Variants in TMEM209 observed in about 807,000 individuals in gnomAD.
The protein encoded by TMEM209 is testicular tissue protein Li 202.
In TMEM209, 65 loss-of-function variants were observed where a neutral mutation model predicts 76.2. The ratio of observed to expected loss-of-function variants is 0.85; its 90% confidence interval spans 0.70 to 1.05. The LOEUF (loss-of-function observed/expected upper bound fraction) is 1.05. Among genes scored for constraint, TMEM209 ranks in the 50% least tolerant of loss-of-function variants. The pLI, the probability that TMEM209 is intolerant of heterozygous loss-of-function variation, is 0.00. For synonymous variants in TMEM209, 239 were observed against 237.6 expected, an observed-to-expected ratio of 1.01 and a Z score of -0.06; for missense variants, 623 against 685.5, an observed-to-expected ratio of 0.91 and a Z score of 1.02.
Position 130,166,117 on chromosome 7 carries a change from TG to T in TMEM209, c.*333del, listed in dbSNP as rs1488547973. 5.6e-6 allele frequency: 1 copy of T among 179,388 alleles called. No individual in the cohort carries two copies. Among genetic ancestry groups the T allele is most frequent in the African/African-American group, 2.4e-5 (1 of 42,550 alleles). The allele number at this position is 179,388 out of a possible 1,614,324, so 11.1% of individuals were successfully genotyped here. A position where few individuals can be genotyped will look rare whatever the true frequency, so the allele number is the denominator to read the frequency against. On this transcript the variant is annotated 3_prime_UTR_variant, in exon 15 of 15. Coordinates refer to ENST00000397622, the MANE Select transcript of TMEM209 (RefSeq NM_032842.4). ...AAGAATCAGGTAGATGATTCTCATT[TG>T]GGGGTTACAATGAAAAAAAGACTCA...
intron 13 of TMEM209, among the ~76,000 whole-genome samples, chr7:130,171,214 T>C (rs1047329812): frequency 6.6e-6 from 1 of 152,314 alleles, no homozygotes; most frequent in East Asian, 1.9e-4. Context: ...AAAAAGCTTT[T>C]AGTCATACTT....
rs1798223875 is a variant in TMEM209 at position 130,202,019 on chromosome 7, T to C, written c.404A>G (p.Gln135Arg). 1 of 1,613,690 alleles carries C rather than the reference T, an allele frequency of 6.2e-7. No homozygotes were observed. Among genetic ancestry groups the C allele is most frequent in the Non-Finnish European group, 8.5e-7 (1 of 1,179,850 alleles). The part of the protein sequence containing the change: ...IPPAPPSPSI[Q>R]GQSVLSYSPS... ...GCTATAACTCAACACACTCTGACCC[T>C]GAATTGAAGGGGAAGGTGGAGCGGG... is the stretch of plus-strand genomic sequence containing the variant. Residue 135 changes from glutamine (Q) to arginine (R), a missense_variant, in exon 5 of 15, where the codon CAG (glutamine) becomes CGG (arginine). Physicochemically the swap from Gln to Arg is conservative, Grantham distance 43. Transcript: ENST00000397622.
Position 130,170,258 on chromosome 7 carries a change from G to A in TMEM209, c.1631+142C>T, listed in dbSNP as rs1433752592. 7.5e-6 allele frequency: 5 copies of A among 663,140 alleles called. No homozygotes were observed. In the Admixed American group the frequency reaches 1.5e-4, roughly 21 times the overall value. 41.1% of individuals were successfully genotyped at this position (663,140 alleles called of 1,614,324 possible). A position where few individuals can be genotyped will look rare whatever the true frequency, so the allele number is the denominator to read the frequency against. The stretch of plus-strand genomic sequence containing the variant: ...CTAATGGATTGCCCAAAATAGCAGA[G>A]GTAGTCTGTGACAGGGCTGAAGCCA... On this transcript the variant is annotated intron_variant, in intron 14 of 14. Transcript: ENST00000397622.
At chr7:130,174,026 C>A (rs988137016) in intron 11 of TMEM209, 87 bp from the exon 12 acceptor site, 7 of 885,086 alleles carry the variant, frequency 7.9e-6, no homozygotes, top group Admixed American at 2.4e-5. Context: ...GTATTTATAA[C>A]GATTCCAATT....
chr7:130,178,336 C>T (rs985925814), intron 10 of TMEM209, 66 bp downstream of exon 10: 7 of 1,446,444 alleles, frequency 4.8e-6, no homozygotes, highest in Non-Finnish European at 6.5e-6. Context: ...CCTTGTTAAT[C>T]TTCACTGATA....
At chr7:130,177,275 C>T (rs1332616983) in intron 10 of TMEM209, among the ~76,000 whole-genome samples, 6 of 150,160 alleles carry the variant, frequency 4.0e-5, no homozygotes, top group Non-Finnish European at 8.9e-5. Context: ...CGCTTGAACC[C>T]GGGAGGTGGA....
In TMEM209 at chr7:130,205,378, C is replaced by G; in HGVS notation, c.-3G>C. 1 of 1,613,928 alleles carries G rather than the reference C, an allele frequency of 6.2e-7. No homozygotes were observed. Among genetic ancestry groups the G allele is most frequent in the Non-Finnish European group, 8.5e-7 (1 of 1,179,902 alleles). On this transcript the variant is annotated 5_prime_UTR_variant, in exon 1 of 15. Transcript: ENST00000397622. ...ACACGACCCCGAAAACGCACCATGT[C>G]CTCTGGCCGGAAAACGCAGGCTCGC...
At chr7:130,190,894 G>C (rs1229224947) in intron 6 of TMEM209, among the ~76,000 whole-genome samples, 1 of 151,910 alleles carries the variant, frequency 6.6e-6, no homozygotes, top group Non-Finnish European at 1.5e-5. Context: ...CTACTCAGGA[G>C]GCTGAGGTGG....
intron 13 of TMEM209, 118 bp from the exon 14 acceptor site, chr7:130,170,591 C>T (rs1280413774): frequency 2.5e-6 from 2 of 791,958 alleles, no homozygotes; most frequent in South Asian, 1.8e-5. Flanking sequence ...ATAATTCAGA[C>T]TTTCATTTAT....
rs1796879364 is a variant in TMEM209, at chr7:130,166,246, T to C, written c.*205A>G. On this transcript the variant is annotated 3_prime_UTR_variant, in exon 15 of 15. Transcript: ENST00000397622. ...AAATTTCTGAAAAGCGATATAAAATTAAAGGCAATGTCTCGATATAGAAGA... is the reference window on the plus strand; with the variant it reads ...AAATTTCTGAAAAGCGATATAAAATCAAAGGCAATGTCTCGATATAGAAGA... The C allele has an allele frequency of 1.3e-5, 5 of 378,948 alleles. No homozygotes were observed. Among genetic ancestry groups the C allele is most frequent in the African/African-American group, 1.0e-4 (5 of 48,010 alleles). 23.5% of individuals were successfully genotyped at this position (378,948 alleles called of 1,614,324 possible). A position where few individuals can be genotyped will look rare whatever the true frequency, so the allele number is the denominator to read the frequency against.
chr7:130,204,619 C>T (rs1419675309), intron 1 of TMEM209, among the ~76,000 whole-genome samples: 1 of 152,180 alleles, frequency 6.6e-6, no homozygotes, highest in Non-Finnish European at 1.5e-5. Flanking sequence ...GGATTACAGG[C>T]GTGAGCCACC....
chr7:130,202,018 C>T lies in TMEM209; in HGVS notation c.405G>A (p.Gln135=). The change falls in exon 5 of 15, where the codon CAG becomes CAA. Residue 135 remains glutamine (Q), a synonymous_variant. Coordinates refer to ENST00000397622, the MANE Select transcript of TMEM209 (RefSeq NM_032842.4). Reference sequence around the variant, plus strand: ...GGCTATAACTCAACACACTCTGACCCTGAATTGAAGGGGAAGGTGGAGCGG... The same window carrying T: ...GGCTATAACTCAACACACTCTGACCTTGAATTGAAGGGGAAGGTGGAGCGG... ...IPPAPPSPSI[Q]GQSVLSYSPS... 6.2e-7 allele frequency: 1 copy of T among 1,613,816 alleles called. No individual in the cohort carries two copies. The highest frequency in any genetic ancestry group is 8.5e-7 in the Non-Finnish European group (1 of 1,179,880).
intron 13 of TMEM209, among the ~76,000 whole-genome samples, chr7:130,171,804 C>T (rs916141478): frequency 5.3e-5 from 8 of 152,152 alleles, no homozygotes; most frequent in African/African-American, 1.2e-4. Flanking sequence ...GCAAGGCAGG[C>T]GGATCACGAG....
intron 5 of TMEM209, chr7:130,199,991 T>C (rs950348771): frequency 2.0e-5 from 3 of 152,058 alleles, no homozygotes; most frequent in African/African-American, 7.2e-5. Flanking sequence ...CAACTAGTTA[T>C]CAATTTTAGC....
At chr7:130,200,153 A>C (rs2633377) in intron 5 of TMEM209, among the ~76,000 whole-genome samples, 113,298 of 151,454 alleles carry the variant, frequency 0.75, 42,678 homozygotes, top group Non-Finnish European at 0.78. Flanking sequence ...CTCTCTCTCT[A>C]TATATATATA....
chr7:130,193,461 C>T lies in TMEM209; in HGVS notation c.574-638G>A, dbSNP rs1023969743. ...GCTGAGGCAGGAGAATCGCTTAAAC[C>T]CCGGGAGGCGGAGGTTGTGGCGAGC... is the stretch of plus-strand genomic sequence containing the variant. On this transcript the variant is annotated intron_variant, in intron 5 of 14. Coordinates refer to ENST00000397622, the MANE Select transcript of TMEM209 (RefSeq NM_032842.4). Among the ~76,000 whole-genome samples, 10 of 151,866 alleles carry T rather than the reference C, an allele frequency of 6.6e-5. 1 individual carries two copies. The highest frequency in any genetic ancestry group is 3.3e-4 in the Admixed American group (5 of 15,244).
intron 6 of TMEM209, among the ~76,000 whole-genome samples, chr7:130,187,417 G>A (rs976055845): frequency 3.3e-5 from 5 of 152,036 alleles, no homozygotes; most frequent in Non-Finnish European, 5.9e-5. Flanking sequence ...GAATTTTGTA[G>A]GCCTTGAGAA....
rs995362870 is a variant in TMEM209, at chr7:130,203,980, G to A, written c.134C>T (p.Thr45Ile). 6.2e-7 allele frequency: 1 copy of A among 1,613,316 alleles called. No individual in the cohort carries two copies. The highest frequency in any genetic ancestry group is 1.3e-5 in the African/African-American group (1 of 74,888). ...LNVSMAGMIY[T>I]EMTGKLISSY... is the part of the protein sequence containing the mutation. Reference sequence around the variant, plus strand: ...TTTGGACTGATTCACTTACATTTCAGTATATATCATTCCAGCCATAGATAC... The same window carrying A: ...TTTGGACTGATTCACTTACATTTCAATATATATCATTCCAGCCATAGATAC... The change falls in exon 2 of 15, where the codon ACT becomes ATT. Residue 45 changes from threonine to isoleucine, a missense_variant. Transcript: ENST00000397622.
In TMEM209 at chr7:130,172,366, G is replaced by A. The variant is rs539738360; in HGVS notation, c.1557+1266C>T. Among the ~76,000 whole-genome samples, 40 of 151,698 alleles carry A rather than the reference G, an allele frequency of 2.6e-4. No homozygotes were observed. In the South Asian group the frequency reaches 7.1e-3, roughly 27 times the overall value. ...TTTATTTTATTTATTTTTTTGAGAC[G>A]GAGTCTTGCTCTGCCACCCAGGCTG... On this transcript the variant is annotated intron_variant, in intron 13 of 14. Coordinates refer to ENST00000397622, the MANE Select transcript of TMEM209 (RefSeq NM_032842.4).
Sources: allele counts gnomAD v4.1 joint callset (sites outside exome capture counted in the v4.1 genomes callset), GRCh38; gene constraint gnomAD v4.1.1; transcripts MANE v1.5; gene names NCBI Gene and HGNC (gene_info 2026-07-23, HGNC 2026-07-21).